GSE1: variants seen among roughly 807,000 people sequenced by gnomAD.
The protein encoded by GSE1 is Gse1 coiled-coil protein.
Under a neutral mutation model 112.6 loss-of-function variants are expected in GSE1, and 32 were observed. The ratio of observed to expected loss-of-function variants is 0.28; its 90% CI spans 0.21 to 0.38. GSE1 has a LOEUF of 0.38. Among genes scored for constraint, GSE1 ranks in the 10% least tolerant of loss-of-function variants. GSE1 has a pLI of 1.00. For missense variants in GSE1, 2,348 were observed against 1,699.2 expected, an observed-to-expected ratio of 1.38 and a Z score of -6.71; for synonymous variants, 1,115 against 735.6, an observed-to-expected ratio of 1.52 and a Z score of -8.35.
Position 85,548,496 on chromosome 16 carries a change from T to C in GSE1, c.2465-85418T>C, listed in dbSNP as rs111912026. ...CCCACATATTAGTGAGATCATGCAGTGTTTGCCTTTCTATGTCTGGCCTAT... is the reference window on the plus strand; with the variant it reads ...CCCACATATTAGTGAGATCATGCAGCGTTTGCCTTTCTATGTCTGGCCTAT... On this transcript the variant is annotated intron_variant, in intron 2 of 2. Coordinates refer to the GSE1 transcript ENST00000637419. Among the ~76,000 whole-genome samples, 41 of 152,306 alleles carry C rather than the reference T, an allele frequency of 2.7e-4. 1 individual carries two copies. Among genetic ancestry groups the C allele is most frequent in the African/African-American group, 9.1e-4 (38 of 41,572 alleles).
At chr16:85,336,039 A>G (rs1043094514) in intron 1 of GSE1, among the ~76,000 whole-genome samples, 2 of 152,078 alleles carry the variant, frequency 1.3e-5, no homozygotes, top group East Asian at 1.9e-4. Flanking sequence ...CTGGGACCCT[A>G]GTGTCTCCGA....
intron 2 of GSE1, among the ~76,000 whole-genome samples, chr16:85,527,647 G>A (rs1167884725): frequency 6.6e-6 from 1 of 152,268 alleles, no homozygotes; most frequent in Non-Finnish European, 1.5e-5. Context: ...ACCCCGGTGG[G>A]AAGCGGGGCC....
intron 2 of GSE1, among the ~76,000 whole-genome samples, chr16:85,398,364 A>T (rs1008180510): frequency 6.6e-6 from 1 of 152,158 alleles, no homozygotes; most frequent in Non-Finnish European, 1.5e-5. Flanking sequence ...GCAAGAGCCC[A>T]GTCCCTCCTG....
chr16:85,188,432 T>C (rs1032735931), intron 1 of GSE1, among the ~76,000 whole-genome samples: 1 of 152,174 alleles, frequency 6.6e-6, no homozygotes, highest in Admixed American at 6.5e-5. Context: ...TCTGGAGAGC[T>C]GTCACCTAGA....
At chr16:85,295,296 T>A (rs1433293809) in intron 1 of GSE1, among the ~76,000 whole-genome samples, 2 of 152,158 alleles carry the variant, frequency 1.3e-5, no homozygotes, top group African/African-American at 4.8e-5. Flanking sequence ...CTTTTGTGGC[T>A]TCTCTCACTC....
In GSE1 at chr16:85,650,284, C is replaced by G. The variant is rs77455648; in HGVS notation, c.426+1533C>G. Among the ~76,000 whole-genome samples the G allele has an allele frequency of 7.1e-3, 1,075 of 151,886 alleles. 12 individuals are homozygous for G. The highest frequency in any genetic ancestry group is 0.025 in the African/African-American group (1,028 of 41,428). ...CTCCGCTGCCTCCAGAGGCCGCCCCCCAGGGCCAGCCTTGACCCCATGGGC... is the reference window on the plus strand; with the variant it reads ...CTCCGCTGCCTCCAGAGGCCGCCCCGCAGGGCCAGCCTTGACCCCATGGGC... On this transcript the variant is annotated intron_variant, in intron 3 of 15. Transcript: ENST00000253458.
intron 1 of GSE1, among the ~76,000 whole-genome samples, chr16:85,354,670 G>A (rs1352574519): frequency 1.3e-5 from 2 of 152,226 alleles, no homozygotes; most frequent in East Asian, 3.8e-4. Flanking sequence ...CACCCCTCCA[G>A]CCCATCCCCT....
At chr16:85,211,936 G>T (rs886421870) in intron 1 of GSE1, among the ~76,000 whole-genome samples, 1 of 152,226 alleles carries the variant, frequency 6.6e-6, no homozygotes, top group Non-Finnish European at 1.5e-5. Context: ...GAAGGCTTCT[G>T]TGTCACCCCC....
At chr16:85,574,582 C>T (rs1283617120) in intron 1 of GSE1, among the ~76,000 whole-genome samples, 1 of 152,206 alleles carries the variant, frequency 6.6e-6, no homozygotes, top group Non-Finnish European at 1.5e-5. Context: ...CAGGTCATTC[C>T]TTTCTGGGCC....
At chr16:85,646,728 G>T (rs1486596727) in intron 2 of GSE1, among the ~76,000 whole-genome samples, 2 of 152,162 alleles carry the variant, frequency 1.3e-5, no homozygotes, top group Non-Finnish European at 2.9e-5. Context: ...GGAGTCGGGG[G>T]TGTGAGTGTG....
At chr16:85,597,268 C>T (rs1022341894) in intron 1 of GSE1, among the ~76,000 whole-genome samples, 9 of 148,456 alleles carry the variant, frequency 6.1e-5, no homozygotes, top group African/African-American at 1.2e-4. Flanking sequence ...CGTGAGCCAC[C>T]GTGCCCAGCC....
chr16:85,596,452 C>T (rs753973122), intron 1 of GSE1, among the ~76,000 whole-genome samples: 3 of 152,206 alleles, frequency 2.0e-5, no homozygotes, highest in Non-Finnish European at 4.4e-5. Flanking sequence ...TGGAATCCTC[C>T]CAGGAAGATT....
At chr16:85,541,410 G>A (rs2044513842) in intron 2 of GSE1, among the ~76,000 whole-genome samples, 1 of 152,258 alleles carries the variant, frequency 6.6e-6, no homozygotes, top group Admixed American at 6.5e-5. Context: ...CAGCCACCTG[G>A]CTGGCACAGG....
chr16:85,321,449 T>A (rs2046105266), intron 1 of GSE1, among the ~76,000 whole-genome samples: 1 of 152,128 alleles, frequency 6.6e-6, no homozygotes, highest in African/African-American at 2.4e-5. Context: ...GCCAGCAATG[T>A]ACTGAGGCCC....
intron 2 of GSE1, among the ~76,000 whole-genome samples, chr16:85,402,361 C>T (rs55861643): frequency 7.6e-4 from 116 of 152,218 alleles, no homozygotes; most frequent in African/African-American, 2.6e-3. Flanking sequence ...AAGGGGGACT[C>T]GAGAGAGCCT....
chr16:85,608,332 C>G (rs919802437), upstream of GSE1, among the ~76,000 whole-genome samples: 1 of 152,136 alleles, frequency 6.6e-6, no homozygotes, highest in Admixed American at 6.5e-5. Context: ...CTTAGCCCCC[C>G]GCCCCTTGCC....
chr16:85,496,447 T>C (rs1389809333), intron 2 of GSE1, among the ~76,000 whole-genome samples: 7 of 152,134 alleles, frequency 4.6e-5, no homozygotes, highest in Non-Finnish European at 1.0e-4. Context: ...GAGGGAACCA[T>C]TACTGTGCCC....
intron 1 of GSE1, among the ~76,000 whole-genome samples, chr16:85,623,344 G>C (rs564969280): frequency 2.9e-4 from 44 of 151,828 alleles, no homozygotes; most frequent in African/African-American, 1.0e-3. Flanking sequence ...CTCCCAAAGC[G>C]CTGGGATTAT....
intron 1 of GSE1, among the ~76,000 whole-genome samples, chr16:85,582,641 G>A (rs528290121): frequency 3.9e-5 from 6 of 152,248 alleles, no homozygotes; most frequent in East Asian, 1.9e-4. Flanking sequence ...TTACGCAGCC[G>A]CCTGGGGTGC....
Sources: gnomAD v4.1 joint callset for allele counts (sites outside exome capture counted in the v4.1 genomes callset) on GRCh38, gnomAD v4.1.1 for gene constraint, MANE v1.5 for transcripts, NCBI Gene and HGNC (gene_info 2026-07-23, HGNC 2026-07-21) for gene names.